ASXL3: variants seen among roughly 807,000 people sequenced by gnomAD.
The protein encoded by ASXL3 is putative Polycomb group protein ASXL3.
Under a neutral mutation model 170.6 loss-of-function variants are expected in ASXL3, and 34 were observed. The ratio of observed to expected loss-of-function variants is 0.20; its 90% confidence interval spans 0.15 to 0.27. The LOEUF is 0.27. Ranked by LOEUF, ASXL3 falls within the 10% of genes least tolerant of loss-of-function variation. The pLI is 1.00. For synonymous variants in ASXL3, 1,002 were observed against 989.1 expected (o/e 1.01, Z -0.24); for missense variants, 2,592 against 2,695.3 (o/e 0.96, Z 0.85).
At chr18:33,722,923 T>C (rs1394148673) in intron 8 of ASXL3, among the ~76,000 whole-genome samples, 1 of 152,134 alleles carries the variant, frequency 6.6e-6, no homozygotes, top group African/African-American at 2.4e-5. Flanking sequence ...TTAAGAATTA[T>C]GCTAAATCTA....
intron 2 of ASXL3, among the ~76,000 whole-genome samples, chr18:33,642,467 A>C (rs1186842422): frequency 1.3e-5 from 2 of 151,942 alleles, no homozygotes; most frequent in Non-Finnish European, 2.9e-5. Flanking sequence ...CTAAGTGACT[A>C]ATCAGTGAGT....
chr18:33,616,410 G>T (rs1336906549), intron 2 of ASXL3, among the ~76,000 whole-genome samples: 1 of 124,994 alleles, frequency 8.0e-6, no homozygotes, highest in Admixed American at 7.7e-5. Flanking sequence ...GTGTGTGTGT[G>T]TGTGTGTGTG....
chr18:33,750,680 C>A lies in ASXL3; in HGVS notation c.*4085C>A, dbSNP rs2067871388. The A allele has an allele frequency of 6.6e-6, 1 of 152,028 alleles. No homozygotes were observed. The allele number at this position is 152,028 out of a possible 1,614,324, so 9.4% of individuals were successfully genotyped here. A position where few individuals can be genotyped will look rare whatever the true frequency, so the allele number is the denominator to read the frequency against. On this transcript the variant is annotated 3_prime_UTR_variant, in exon 12 of 12. Coordinates refer to ENST00000269197, the MANE Select transcript of ASXL3 (RefSeq NM_030632.3). ...ACAGTGTAACAGCAAAATGTGAAAT[C>A]AACCCAAACATAACATGCATGACAA...
rs140536658 is a variant in ASXL3 at position 33,608,932 on chromosome 18, C to G, written c.137+1256C>G. ...ATGGACATCACAATTTACTGGCGTACAGGACACCTATGCTCAAATTTTCAT... is the reference window on the plus strand; with the variant it reads ...ATGGACATCACAATTTACTGGCGTAGAGGACACCTATGCTCAAATTTTCAT... On this transcript the variant is annotated intron_variant, in intron 2 of 11. Coordinates refer to ENST00000269197, the MANE Select transcript of ASXL3 (RefSeq NM_030632.3). 1,000 of 623,122 alleles carry G rather than the reference C, an allele frequency of 1.6e-3. 6 individuals carry two copies. The African/African-American group carries it at 0.019, about 12-fold the overall frequency. The allele number at this position is 623,122 out of a possible 1,614,324, so 38.6% of individuals were successfully genotyped here.
At chr18:33,618,771 G>A (rs1287700701) in intron 2 of ASXL3, among the ~76,000 whole-genome samples, 5 of 151,120 alleles carry the variant, frequency 3.3e-5, no homozygotes, top group Non-Finnish European at 7.4e-5. Context: ...CCTCATACTT[G>A]ATGTTATTTT....
At chr18:33,646,918 G>A (rs1370741871) in intron 4 of ASXL3, among the ~76,000 whole-genome samples, 1 of 140,814 alleles carries the variant, frequency 7.1e-6, no homozygotes, top group African/African-American at 2.7e-5. Context: ...AATTTTATAT[G>A]TGAACTTATT....
intron 1 of ASXL3, among the ~76,000 whole-genome samples, chr18:33,601,007 A>G (rs1371039602): frequency 6.6e-6 from 1 of 152,146 alleles, no homozygotes; most frequent in Non-Finnish European, 1.5e-5. Context: ...TCTTCTTCCT[A>G]GTCATCTGAA....
chr18:33,596,370 C>T (rs1477577379), intron 1 of ASXL3, among the ~76,000 whole-genome samples: 1 of 151,992 alleles, frequency 6.6e-6, no homozygotes, highest in Non-Finnish European at 1.5e-5. Flanking sequence ...TATGTGTGTG[C>T]TTGGTAAATA....
At chr18:33,664,562 A>G (rs1259575088) in intron 5 of ASXL3, among the ~76,000 whole-genome samples, 2 of 152,182 alleles carry the variant, frequency 1.3e-5, no homozygotes, top group African/African-American at 4.8e-5. Context: ...AGACTCTTAG[A>G]AATAAGTAGA....
At position 33,744,543 on chromosome 18, in the gene ASXL3, T is replaced by C; in HGVS notation, c.4695T>C (p.Val1565=). The change falls in exon 12 of 12, where the codon GTT becomes GTC. Residue 1565 remains valine, a synonymous_variant. Coordinates refer to ENST00000269197, the MANE Select transcript of ASXL3 (RefSeq NM_030632.3). ...CAAGTCTCCGAGAATTACCCCTTGTTCCAGATAAATTAAATGAGCCGACTG... is the reference window on the plus strand; with the variant it reads ...CAAGTCTCCGAGAATTACCCCTTGTCCCAGATAAATTAAATGAGCCGACTG... ...TCTSLRELPL[V]PDKLNEPTAP... The C allele has an allele frequency of 3.1e-6, 5 of 1,612,006 alleles. No individual in the cohort carries two copies. Among genetic ancestry groups the C allele is most frequent in the Non-Finnish European group, 4.2e-6 (5 of 1,179,528 alleles).
intron 8 of ASXL3, among the ~76,000 whole-genome samples, chr18:33,717,195 C>T (rs1371298249): frequency 1.3e-5 from 2 of 152,072 alleles, no homozygotes; most frequent in African/African-American, 4.8e-5. Flanking sequence ...ATAATAGTGA[C>T]AGTAGAGGTC....
intron 1 of ASXL3, among the ~76,000 whole-genome samples, chr18:33,585,091 C>G (rs1244131623): frequency 6.6e-6 from 1 of 152,014 alleles, no homozygotes; most frequent in Non-Finnish European, 1.5e-5. Context: ...CCCTCAGTCC[C>G]TTCCTCTCAC....
chr18:33,634,788 C>T (rs999995188), intron 2 of ASXL3, among the ~76,000 whole-genome samples: 2 of 152,150 alleles, frequency 1.3e-5, no homozygotes, highest in Non-Finnish European at 2.9e-5. Context: ...GTTAGCTTAT[C>T]AACAAGCCCC....
intron 2 of ASXL3, among the ~76,000 whole-genome samples, chr18:33,620,445 C>G (rs2065493049): frequency 6.6e-6 from 1 of 152,030 alleles, no homozygotes; most frequent in Non-Finnish European, 1.5e-5. Context: ...TCCCACTCTC[C>G]CACTCTCCCC....
At chr18:33,680,335 A>G (rs1361360116) in intron 7 of ASXL3, among the ~76,000 whole-genome samples, 1 of 151,966 alleles carries the variant, frequency 6.6e-6, no homozygotes, top group Non-Finnish European at 1.5e-5. Context: ...GAGGCTGTAT[A>G]TTATTCTTCA....
chr18:33,742,402 T>A (rs951262448), intron 11 of ASXL3, among the ~76,000 whole-genome samples: 7 of 151,910 alleles, frequency 4.6e-5, no homozygotes, highest in African/African-American at 1.5e-4. Context: ...ATCACAAAGT[T>A]CCTTTGTGTA....
intron 2 of ASXL3, among the ~76,000 whole-genome samples, chr18:33,629,735 A>G (rs1325030622): frequency 1.3e-5 from 2 of 151,982 alleles, no homozygotes; most frequent in Non-Finnish European, 2.9e-5. Context: ...TTGTTTATAG[A>G]TACATTTCTC....
intron 1 of ASXL3, among the ~76,000 whole-genome samples, chr18:33,589,069 G>A (rs2065056896): frequency 6.6e-6 from 1 of 152,050 alleles, no homozygotes; most frequent in Admixed American, 6.6e-5. Flanking sequence ...GCTGTTATAT[G>A]GGTTATGGAG....
chr18:33,652,603 CAAAA>C (rs554834298), intron 4 of ASXL3, among the ~76,000 whole-genome samples: 1 of 112,326 alleles, frequency 8.9e-6, no homozygotes, highest in African/African-American at 3.5e-5. Context: ...TCTGTTGGGG[CAAAA>C]AAAAAAAAAG....
Sources: allele counts gnomAD v4.1 joint callset (sites outside exome capture counted in the v4.1 genomes callset), GRCh38; gene constraint gnomAD v4.1.1; transcripts MANE v1.5; gene names NCBI Gene and HGNC (gene_info 2026-07-23, HGNC 2026-07-21).